The following OPCML variants were observed in gnomAD, a reference collection of about 807,000 sequenced individuals.
The protein encoded by OPCML is opioid-binding protein/cell adhesion molecule.
OPCML carries 13 observed loss-of-function variants against 37.8 expected under a neutral mutation model. The ratio of observed to expected loss-of-function variants is 0.34; its 90% CI spans 0.22 to 0.55. OPCML has a LOEUF of 0.55. Ranked by LOEUF, OPCML falls within the 20% of genes least tolerant of loss-of-function variation. OPCML has a pLI of 0.91. For missense variants in OPCML, 341 were observed against 435.6 expected (o/e 0.78, Z 1.93); for synonymous variants, 176 against 168.8 (o/e 1.04, Z -0.33).
chr11:132,473,668 A>G (rs577540156), intron 4 of OPCML, among the ~76,000 whole-genome samples: 143 of 152,252 alleles, frequency 9.4e-4, no homozygotes, highest in Non-Finnish European at 1.7e-3. Context: ...TCTACAAAAA[A>G]TTTTTAAAAT....
chr11:132,747,648 T>A (rs1945679676), intron 2 of OPCML, among the ~76,000 whole-genome samples: 1 of 152,184 alleles, frequency 6.6e-6, no homozygotes, highest in Admixed American at 6.5e-5. Flanking sequence ...TGACTGCATC[T>A]TTTACTCAGT....
intron 4 of OPCML, among the ~76,000 whole-genome samples, chr11:132,518,481 C>T (rs997411192): frequency 6.6e-6 from 1 of 152,180 alleles, no homozygotes; most frequent in Non-Finnish European, 1.5e-5. Flanking sequence ...TCTATGCATT[C>T]AAGACACAGC....
chr11:133,399,687 C>T (rs957106561), intron 1 of OPCML, among the ~76,000 whole-genome samples: 1 of 152,098 alleles, frequency 6.6e-6, no homozygotes, highest in African/African-American at 2.4e-5. Context: ...ATTCTCCCTA[C>T]AAATTTAATT....
chr11:132,622,544 G>T (rs1208353386), intron 3 of OPCML, among the ~76,000 whole-genome samples: 1 of 152,196 alleles, frequency 6.6e-6, no homozygotes, highest in Non-Finnish European at 1.5e-5. Context: ...TTTCACGCCA[G>T]TGGGAGTCGA....
intron 2 of OPCML, among the ~76,000 whole-genome samples, chr11:132,769,819 T>C (rs970676914): frequency 3.3e-5 from 5 of 152,120 alleles, no homozygotes; most frequent in Admixed American, 2.0e-4. Flanking sequence ...CCTCATGATC[T>C]ACAGTGAAAG....
At chr11:132,788,806 C>G (rs1270584492) in intron 2 of OPCML, among the ~76,000 whole-genome samples, 2 of 152,198 alleles carry the variant, frequency 1.3e-5, no homozygotes, top group African/African-American at 2.4e-5. Context: ...AGATTCAAAT[C>G]CAGGCCATCC....
intron 3 of OPCML, among the ~76,000 whole-genome samples, chr11:132,583,267 T>C (rs969723423): frequency 2.0e-5 from 3 of 152,016 alleles, no homozygotes; most frequent in African/African-American, 7.2e-5. Context: ...GTTTGTTTGA[T>C]CCAAGATTAT....
chr11:133,140,531 T>TAATAATAAGAAGAAGAAGAAGAAG lies in OPCML; in HGVS notation c.62-197522_62-197521insCTTCTTCTTCTTCTTCTTATTATT, dbSNP rs1272061685. ...TGTCTCAAAATAATAATAATAATAA[T>TAATAATAAGAAGAAGAAGAAGAAG]AAGAAGAAGAAGAAGAAGAAGAAGA... On this transcript the variant is annotated intron_variant, in intron 1 of 7. Coordinates refer to ENST00000524381, the MANE Select transcript of OPCML (RefSeq NM_001012393.5). 4.9e-3 allele frequency among the ~76,000 whole-genome samples: 428 copies of TAATAATAAGAAGAAGAAGAAGAAG among 88,050 alleles called. 5 individuals carry two copies. Among genetic ancestry groups the TAATAATAAGAAGAAGAAGAAGAAG allele is most frequent in the Non-Finnish European group, 6.7e-3 (304 of 45,184 alleles). The allele number at this position is 88,050 out of a possible 152,430, so 57.8% of individuals were successfully genotyped here. A position where few individuals can be genotyped will look rare whatever the true frequency, so the allele number is the denominator to read the frequency against.
intron 1 of OPCML, chr11:133,026,154 T>A: frequency 1.1e-6 from 1 of 928,562 alleles, no homozygotes; most frequent in Non-Finnish European, 1.3e-6. Context: ...CCCATCTGAG[T>A]AATTTTTGTT....
rs1939360275 is a variant in OPCML at position 133,211,590 on chromosome 11, A to G, written c.62-268580T>C. The stretch of plus-strand genomic sequence containing the variant: ...TATGCTTTGGCATCAACAGTGGAAC[A>G]TGGTTTCCTAGAAGGGAGCTGAGGT... On this transcript the variant is annotated intron_variant, in intron 1 of 7. Coordinates refer to ENST00000524381, the MANE Select transcript of OPCML (RefSeq NM_001012393.5). This position sits in a 1 kb window ranked among gnomAD's most constrained non-coding sequence, Gnocchi z 4.1. 6.6e-6 allele frequency among the ~76,000 whole-genome samples: 1 copy of G among 152,174 alleles called. No individual in the cohort carries two copies. The highest frequency in any genetic ancestry group is 2.4e-5 in the African/African-American group (1 of 41,448).
At chr11:133,416,871 G>A (rs967153218) in intron 1 of OPCML, among the ~76,000 whole-genome samples, 1 of 152,082 alleles carries the variant, frequency 6.6e-6, no homozygotes, top group Non-Finnish European at 1.5e-5. Flanking sequence ...CCTTAAAATG[G>A]GGCCAGTCTC....
At chr11:133,441,680 A>G (rs1214728541) in intron 1 of OPCML, among the ~76,000 whole-genome samples, 1 of 152,184 alleles carries the variant, frequency 6.6e-6, no homozygotes, top group Non-Finnish European at 1.5e-5. Flanking sequence ...AGAATAAGTC[A>G]TAGTGGAGAA....
intron 1 of OPCML, among the ~76,000 whole-genome samples, chr11:133,345,695 C>T (rs1292305912): frequency 2.6e-5 from 4 of 151,990 alleles, no homozygotes; most frequent in African/African-American, 7.2e-5. Context: ...TGACTAGGGC[C>T]GTAGAGAGCA....
At chr11:133,262,064 A>G (rs1321268610) in intron 1 of OPCML, among the ~76,000 whole-genome samples, 2 of 152,224 alleles carry the variant, frequency 1.3e-5, no homozygotes, top group Admixed American at 1.3e-4. Flanking sequence ...TTTTTTTGAA[A>G]AAATAATTAC....
intron 1 of OPCML, among the ~76,000 whole-genome samples, chr11:133,450,248 T>C (rs1187015032): frequency 6.6e-6 from 1 of 151,726 alleles, no homozygotes; most frequent in African/African-American, 2.4e-5. Flanking sequence ...TTAATTTAGG[T>C]TTACTTTTAG....
chr11:132,632,091 C>T (rs542143901), intron 3 of OPCML, among the ~76,000 whole-genome samples: 101 of 151,618 alleles, frequency 6.7e-4, no homozygotes, highest in African/African-American at 2.3e-3. Context: ...CTGAAAGAGT[C>T]CCTCCTGTAA....
At chr11:133,414,590 C>T (rs1945720485) in intron 1 of OPCML, among the ~76,000 whole-genome samples, 1 of 152,200 alleles carries the variant, frequency 6.6e-6, no homozygotes, top group East Asian at 1.9e-4. Context: ...CACAAACCTC[C>T]CACAAGTCAA....
At chr11:132,762,847 G>T (rs116027443) in intron 2 of OPCML, among the ~76,000 whole-genome samples, 2 of 152,046 alleles carry the variant, frequency 1.3e-5, no homozygotes, top group Admixed American at 1.3e-4. Context: ...GGTGTTCCAC[G>T]TGCCACTGAG....
intron 3 of OPCML, among the ~76,000 whole-genome samples, chr11:132,570,754 AGT>A (rs2096435289): frequency 1.9e-5 from 1 of 52,552 alleles, no homozygotes. Flanking sequence ...CAGGAAAGAG[AGT>A]ATATATATAT....
Sources: allele counts gnomAD v4.1 joint callset (sites outside exome capture counted in the v4.1 genomes callset), GRCh38; gene constraint gnomAD v4.1.1; non-coding constraint Gnocchi (gnomAD v3.1); transcripts MANE v1.5; gene names NCBI Gene and HGNC (gene_info 2026-07-23, HGNC 2026-07-21).